The following FOXP1 variants were observed in gnomAD, a reference collection of about 807,000 sequenced individuals.
FOXP1 encodes the protein forkhead box protein P1.
A neutral mutation model predicts 98.2 loss-of-function variants in FOXP1; 15 were observed. The observed-to-expected ratio is 0.15, with a 90% CI of 0.10 to 0.24. The LOEUF is 0.24. Among genes scored for constraint, FOXP1 ranks in the 10% least tolerant of loss-of-function variants. FOXP1 has a pLI of 1.00. For missense variants in FOXP1, 633 were observed against 848.5 expected, an observed-to-expected ratio of 0.75 and a Z score of 3.15; for synonymous variants, 371 against 314.5, an observed-to-expected ratio of 1.18 and a Z score of -1.90.
At chr3:71,481,106 G>A (rs2090241345) in intron 3 of FOXP1, among the ~76,000 whole-genome samples, 1 of 152,064 alleles carries the variant, frequency 6.6e-6, no homozygotes, top group South Asian at 2.1e-4. Context: ...GAGAAATGAG[G>A]GCAACTTTGC....
At chr3:71,329,653 T>A (rs2076178029) in intron 4 of FOXP1, 1 of 151,680 alleles carries the variant, frequency 6.6e-6, no homozygotes, top group South Asian at 2.1e-4. Context: ...ATAAACACAT[T>A]TGCAGGTGGG....
At position 70,983,524 on chromosome 3, in the gene FOXP1, T is replaced by G. The variant is rs1454523852; in HGVS notation, c.1146+4470A>C. On this transcript the variant is annotated intron_variant, in intron 14 of 20. Transcript: ENST00000649528. ...TGGCTATGGTTAGAGGAAAAGAAAATGTATAAAAATGAAAATCTAATACTA... is the reference window on the plus strand; with the variant it reads ...TGGCTATGGTTAGAGGAAAAGAAAAGGTATAAAAATGAAAATCTAATACTA... Among the ~76,000 whole-genome samples, 5 of 152,214 alleles carry G rather than the reference T, an allele frequency of 3.3e-5. No individual in the cohort carries two copies. In the East Asian group the frequency reaches 9.7e-4, roughly 29 times the overall value.
At chr3:70,980,776 C>T (rs1179085393) in intron 14 of FOXP1, among the ~76,000 whole-genome samples, 2 of 152,150 alleles carry the variant, frequency 1.3e-5, no homozygotes, top group Non-Finnish European at 2.9e-5. Flanking sequence ...AGGAAGAAAA[C>T]AGCTAATTGC....
chr3:71,023,973 A>T (rs778455115), intron 11 of FOXP1, among the ~76,000 whole-genome samples: 9 of 152,188 alleles, frequency 5.9e-5, no homozygotes, highest in Non-Finnish European at 1.2e-4. Context: ...TTCCTTAAAT[A>T]CTTAGCACCA....
At chr3:71,471,580 A>C (rs1045121456) in intron 3 of FOXP1, among the ~76,000 whole-genome samples, 1 of 152,160 alleles carries the variant, frequency 6.6e-6, no homozygotes, top group East Asian at 1.9e-4. Flanking sequence ...AAACTATAAC[A>C]ATGTTCCATT....
intron 3 of FOXP1, among the ~76,000 whole-genome samples, chr3:71,467,512 C>T (rs1303529214): frequency 1.3e-5 from 2 of 152,160 alleles, no homozygotes; most frequent in East Asian, 3.8e-4. Context: ...CCAGGGACTT[C>T]CTCCTTACTA....
chr3:71,517,730 C>T (rs986495452), intron 2 of FOXP1, among the ~76,000 whole-genome samples: 4 of 152,042 alleles, frequency 2.6e-5, no homozygotes, highest in Non-Finnish European at 5.9e-5. Flanking sequence ...TCCTTCATTT[C>T]ATTAGTTACA....
intron 5 of FOXP1, among the ~76,000 whole-genome samples, chr3:71,279,575 C>T (rs1205177941): frequency 2.0e-5 from 3 of 152,136 alleles, no homozygotes; most frequent in East Asian, 3.8e-4. Context: ...AGAAACTGTC[C>T]TTAGGAAATA....
intron 3 of FOXP1, among the ~76,000 whole-genome samples, chr3:71,359,707 T>C (rs778096291): frequency 6.6e-6 from 1 of 152,164 alleles, no homozygotes; most frequent in Non-Finnish European, 1.5e-5. Flanking sequence ...AATTTTGGAA[T>C]TGTAGTAGAC....
At chr3:71,124,653 A>G (rs1409615032) in intron 6 of FOXP1, among the ~76,000 whole-genome samples, 2 of 130,942 alleles carry the variant, frequency 1.5e-5, no homozygotes, top group East Asian at 3.9e-4. Flanking sequence ...CAAAAAAAAA[A>G]AGAAAAAAAA....
At chr3:71,296,843 C>G (rs529645180) in intron 5 of FOXP1, among the ~76,000 whole-genome samples, 1 of 152,240 alleles carries the variant, frequency 6.6e-6, no homozygotes, top group Non-Finnish European at 1.5e-5. Flanking sequence ...CATGACAAAT[C>G]TGGTTGTTAA....
intron 6 of FOXP1, among the ~76,000 whole-genome samples, chr3:71,123,755 A>C (rs1366548673): frequency 6.6e-6 from 1 of 152,072 alleles, no homozygotes; most frequent in Non-Finnish European, 1.5e-5. Context: ...TGCTATAAAT[A>C]CATTCTTCTT....
At chr3:71,400,504 C>T (rs144870792) in intron 3 of FOXP1, among the ~76,000 whole-genome samples, 3,854 of 152,016 alleles carry the variant, frequency 0.025, 58 homozygotes, top group Middle Eastern at 0.075. Context: ...ATTACAGGCA[C>T]GAGCCACCAT....
At chr3:71,564,666 A>G (rs2046779246) in intron 2 of FOXP1, among the ~76,000 whole-genome samples, 1 of 152,260 alleles carries the variant, frequency 6.6e-6, no homozygotes, top group African/African-American at 2.4e-5. Flanking sequence ...GAGATTAGCA[A>G]CACTCTTTAT....
intron 4 of FOXP1, among the ~76,000 whole-genome samples, chr3:71,343,123 C>T (rs1158750907): frequency 1.3e-5 from 2 of 152,214 alleles, no homozygotes; most frequent in South Asian, 2.1e-4. Flanking sequence ...AACAAAACTT[C>T]TGGGATTTCC....
chr3:71,450,726 G>GTAGT (rs2086869786), intron 3 of FOXP1, among the ~76,000 whole-genome samples: 1 of 152,066 alleles, frequency 6.6e-6, no homozygotes, highest in Non-Finnish European at 1.5e-5. Context: ...TAAGTGATAA[G>GTAGT]ATGAGTTGGT....
chr3:71,506,997 A>G (rs780051631), intron 2 of FOXP1, among the ~76,000 whole-genome samples: 1 of 152,112 alleles, frequency 6.6e-6, no homozygotes, highest in Non-Finnish European at 1.5e-5. Flanking sequence ...ACGGCTCCAC[A>G]CCTGAGAGCT....
chr3:71,563,760 G>A (rs549116458), intron 2 of FOXP1, among the ~76,000 whole-genome samples: 16 of 152,310 alleles, frequency 1.1e-4, no homozygotes, highest in South Asian at 4.1e-4. Flanking sequence ...AAGGTGGAAC[G>A]TCAAAGACAA....
intron 3 of FOXP1, among the ~76,000 whole-genome samples, chr3:71,474,505 G>A (rs1173591646): frequency 6.6e-6 from 1 of 152,148 alleles, no homozygotes; most frequent in Admixed American, 6.5e-5. Flanking sequence ...TCAGCGTCAG[G>A]CAAGCAAGTG....
Sources: gnomAD v4.1 joint callset for allele counts (sites outside exome capture counted in the v4.1 genomes callset) on GRCh38, gnomAD v4.1.1 for gene constraint, MANE v1.5 for transcripts, NCBI Gene and HGNC (gene_info 2026-07-23, HGNC 2026-07-21) for gene names.